Variants in GLRX3 observed in about 807,000 individuals in gnomAD.
The protein encoded by GLRX3 is glutaredoxin-3.
GLRX3 carries 22 observed loss-of-function variants against 49.5 expected under a neutral mutation model. The observed-to-expected ratio is 0.44, with a 90% CI of 0.32 to 0.63. The LOEUF (loss-of-function observed/expected upper bound fraction) is 0.63. GLRX3 is among the 30% of genes least tolerant of loss of function. The pLI, the probability that GLRX3 is intolerant of heterozygous loss-of-function variation, is 0.05. For synonymous variants in GLRX3, 133 were observed against 140.0 expected (o/e 0.95, Z 0.35); for missense variants, 385 against 396.3 (o/e 0.97, Z 0.24).
At chr10:130,142,773 A>G (rs573316923) in intron 1 of GLRX3, among the ~76,000 whole-genome samples, 71 of 151,864 alleles carry the variant, frequency 4.7e-4, no homozygotes, top group Admixed American at 2.0e-3. Flanking sequence ...CTTGACTTCT[A>G]TGTGACCCTT....
At chr10:130,153,145 A>G (rs1862410713) in intron 2 of GLRX3, among the ~76,000 whole-genome samples, 2 of 152,232 alleles carry the variant, frequency 1.3e-5, no homozygotes, top group South Asian at 4.1e-4. Flanking sequence ...TGTGGTTTTC[A>G]GCTCCATCAG....
chr10:130,142,679 T>C (rs1862197530), intron 1 of GLRX3, among the ~76,000 whole-genome samples: 1 of 152,260 alleles, frequency 6.6e-6, no homozygotes, highest in African/African-American at 2.4e-5. Context: ...CCTGTGCTTC[T>C]GCTATTCCAT....
At chr10:130,177,232 A>T (rs995527564) in intron 10 of GLRX3, among the ~76,000 whole-genome samples, 3 of 152,166 alleles carry the variant, frequency 2.0e-5, no homozygotes, top group African/African-American at 7.2e-5. Context: ...CTGAATGATG[A>T]TTTAGTTACT....
intron 2 of GLRX3, among the ~76,000 whole-genome samples, chr10:130,146,625 G>A (rs1862275203): frequency 6.6e-6 from 1 of 152,184 alleles, no homozygotes; most frequent in African/African-American, 2.4e-5. Flanking sequence ...TCTTAGAAAT[G>A]AATTATCAGG....
intron 7 of GLRX3, among the ~76,000 whole-genome samples, chr10:130,170,366 C>G (rs527885289): frequency 3.9e-5 from 6 of 152,314 alleles, no homozygotes; most frequent in African/African-American, 1.2e-4. Context: ...CACAATACTT[C>G]ACAGGGCAGA....
chr10:130,136,473 C>T lies in GLRX3; in HGVS notation c.53C>T (p.Ser18Leu), dbSNP rs1444560109. 3.9e-6 allele frequency: 5 copies of T among 1,266,020 alleles called. No homozygotes were observed. The highest frequency in any genetic ancestry group is 4.0e-6 in the Non-Finnish European group (4 of 999,840). 78.4% of individuals were successfully genotyped at this position (1,266,020 alleles called of 1,614,324 possible). The change falls in exon 1 of 11, where the codon TCA becomes TTA. Residue 18 changes from serine (S) to leucine (L), a missense_variant. Transcript: ENST00000331244. ...GTAGCGGCCGTGGAGGAGGTCGGCT[C>T]AGCCGGGCAGTTTGAGGAGCTGCTG... Reference protein sequence around the residue: ...AAVAAVEEVGSAGQFEELLRL... With the variant: ...AAVAAVEEVGLAGQFEELLRL...
intron 8 of GLRX3, among the ~76,000 whole-genome samples, chr10:130,174,227 G>A (rs1862870582): frequency 6.6e-6 from 1 of 152,240 alleles, no homozygotes; most frequent in Admixed American, 6.5e-5. Flanking sequence ...TTGCTAAGGT[G>A]GAGGGAGCTG....
chr10:130,168,487 C>T (rs1862736991), intron 6 of GLRX3, among the ~76,000 whole-genome samples: 1 of 152,196 alleles, frequency 6.6e-6, no homozygotes, highest in South Asian at 2.1e-4. Context: ...CTCTGTAGCC[C>T]AGGCTGGAGT....
intron 10 of GLRX3, among the ~76,000 whole-genome samples, chr10:130,178,960 T>C (rs1449847382): frequency 3.9e-5 from 6 of 152,140 alleles, no homozygotes; most frequent in African/African-American, 1.4e-4. Context: ...CTCCTCGGCC[T>C]CCCAACGTGC....
chr10:130,169,531 A>C (rs1350953844), intron 7 of GLRX3, 41 bp downstream of exon 7: 1 of 1,263,634 alleles, frequency 7.9e-7, no homozygotes, highest in Admixed American at 1.7e-5. Context: ...ATTTCTTTTG[A>C]TGTTAACATC....
intron 1 of GLRX3, among the ~76,000 whole-genome samples, chr10:130,143,960 A>C (rs1390445084): frequency 6.6e-6 from 1 of 152,122 alleles, no homozygotes; most frequent in East Asian, 1.9e-4. Context: ...CGGCCTCCCA[A>C]AGTGCTGGGA....
At chr10:130,154,609 T>G (rs12778234) in intron 2 of GLRX3, among the ~76,000 whole-genome samples, 14,305 of 152,126 alleles carry the variant, frequency 0.094, 849 homozygotes, top group Non-Finnish European at 0.12. Flanking sequence ...GAAGGAAGCC[T>G]CTTTTGGAGG....
chr10:130,176,734 T>TTCCC (rs1235927844), intron 10 of GLRX3, among the ~76,000 whole-genome samples: 2 of 149,438 alleles, frequency 1.3e-5, no homozygotes, highest in African/African-American at 2.5e-5. Context: ...CATTTGTTTC[T>TTCCC]TCCCTCCCTC....
At chr10:130,164,424 G>A (rs987127471) in intron 4 of GLRX3, among the ~76,000 whole-genome samples, 1 of 152,208 alleles carries the variant, frequency 6.6e-6, no homozygotes, top group African/African-American at 2.4e-5. Context: ...CTTCTGCAGT[G>A]AGAGTCATCC....
At chr10:130,136,907 G>C (rs1862065540) in intron 1 of GLRX3, among the ~76,000 whole-genome samples, 1 of 152,134 alleles carries the variant, frequency 6.6e-6, no homozygotes, top group Non-Finnish European at 1.5e-5. Flanking sequence ...CCGAGACCCC[G>C]GCCCTCCGCG....
intron 8 of GLRX3, among the ~76,000 whole-genome samples, chr10:130,172,835 A>G (rs1024567713): frequency 6.6e-6 from 1 of 152,106 alleles, no homozygotes; most frequent in Non-Finnish European, 1.5e-5. Context: ...CCAGCCACTC[A>G]GGAGGCTGAG....
At position 130,179,324 on chromosome 10, in the gene GLRX3, G is replaced by T; in HGVS notation, c.958-18G>T. Reference sequence around the variant, plus strand: ...ATATATGCATATACATATTATTATTGTTGTTTTTTATTTTTAGGAACTGAA... The same window carrying T: ...ATATATGCATATACATATTATTATTTTTGTTTTTTATTTTTAGGAACTGAA... On this transcript the variant is annotated intron_variant, in intron 10 of 10. Coordinates refer to ENST00000331244, the MANE Select transcript of GLRX3 (RefSeq NM_006541.5). 8.6e-7 allele frequency: 1 copy of T among 1,163,080 alleles called. No homozygotes were observed. The highest frequency in any genetic ancestry group is 1.3e-5 in the South Asian group (1 of 76,464). The allele number at this position is 1,163,080 out of a possible 1,614,324, so 72.0% of individuals were successfully genotyped here. A position where few individuals can be genotyped will look rare whatever the true frequency, so the allele number is the denominator to read the frequency against.
At position 130,166,487 on chromosome 10, in the gene GLRX3, ATTTC is replaced by A. The variant is rs779276423; in HGVS notation, c.479-16_479-13del. On this transcript the variant is annotated splice_polypyrimidine_tract_variant and intron_variant, in intron 4 of 10. Transcript: ENST00000331244. ...TTGGGAGAGAGAAGTTAAGTGCTTT[ATTTC>A]TTTTTTTGTGTACAGGTTTCAGCAA... 58 of 1,596,974 alleles carry A rather than the reference ATTTC, an allele frequency of 3.6e-5. No individual in the cohort carries two copies. In the African/African-American group the frequency reaches 6.3e-4, roughly 17 times the overall value.
At chr10:130,165,732 C>T (rs1862671137) in intron 4 of GLRX3, among the ~76,000 whole-genome samples, 1 of 152,138 alleles carries the variant, frequency 6.6e-6, no homozygotes, top group Admixed American at 6.6e-5. Flanking sequence ...AGTGGGAACT[C>T]AGGAAGTAGT....
Sources: allele counts gnomAD v4.1 joint callset (sites outside exome capture counted in the v4.1 genomes callset), GRCh38; gene constraint gnomAD v4.1.1; transcripts MANE v1.5; gene names NCBI Gene and HGNC (gene_info 2026-07-23, HGNC 2026-07-21).